Variants in GRID1 observed in about 807,000 individuals in gnomAD.
GRID1 encodes the protein glutamate receptor ionotropic, delta-1.
GRID1 carries 28 observed loss-of-function variants against 98.0 expected under a neutral mutation model. The ratio of observed to expected loss-of-function variants is 0.29; its 90% CI spans 0.21 to 0.39. GRID1 has a LOEUF of 0.39. Ranked by LOEUF, GRID1 falls within the 10% of genes least tolerant of loss-of-function variation. The probability of loss-of-function intolerance (pLI) is 1.00; values close to 1 mark genes in which losing one functional copy is unlikely to be tolerated. For missense variants in GRID1, 1,111 were observed against 1,340.5 expected, an observed-to-expected ratio of 0.83 and a Z score of 2.67; for synonymous variants, 553 against 538.5, an observed-to-expected ratio of 1.03 and a Z score of -0.37.
intron 5 of GRID1, among the ~76,000 whole-genome samples, chr10:85,873,348 TA>T (rs1213864016): frequency 6.6e-6 from 1 of 152,202 alleles, no homozygotes; most frequent in African/African-American, 2.4e-5. Context: ...ATAATGTATA[TA>T]CAACACTATT....
intron 2 of GRID1, among the ~76,000 whole-genome samples, chr10:86,309,880 C>T (rs886151998): frequency 6.6e-6 from 1 of 152,210 alleles, no homozygotes; most frequent in African/African-American, 2.4e-5. Context: ...ATGCCAGTGC[C>T]TCAATGATTT....
chr10:85,790,460 G>C (rs1809756711), intron 8 of GRID1, among the ~76,000 whole-genome samples: 1 of 152,254 alleles, frequency 6.6e-6, no homozygotes, highest in Non-Finnish European at 1.5e-5. Flanking sequence ...GAGACTGCAG[G>C]ACAGGCAGAT....
chr10:86,322,394 TTTG>T (rs879420646), intron 2 of GRID1, among the ~76,000 whole-genome samples: 138 of 152,048 alleles, frequency 9.1e-4, no homozygotes, highest in East Asian at 4.6e-3. Context: ...AGAATTATGT[TTTG>T]TTGTTGTTGT....
intron 3 of GRID1, among the ~76,000 whole-genome samples, chr10:86,151,882 G>C (rs1226606041): frequency 6.6e-6 from 1 of 152,186 alleles, no homozygotes; most frequent in African/African-American, 2.4e-5. Context: ...TCAGTGACAG[G>C]CTGATGGGAC....
chr10:86,204,341 G>T (rs1255797354), intron 3 of GRID1, among the ~76,000 whole-genome samples: 1 of 152,178 alleles, frequency 6.6e-6, no homozygotes, highest in African/African-American at 2.4e-5. Flanking sequence ...GTGGTGGGAA[G>T]CACACAGCCA....
At chr10:85,704,025 A>G (rs1040582552) in intron 12 of GRID1, among the ~76,000 whole-genome samples, 1 of 152,132 alleles carries the variant, frequency 6.6e-6, no homozygotes, top group African/African-American at 2.4e-5. Flanking sequence ...CTGGGTTGAA[A>G]ATTATTTTCT....
At chr10:86,148,571 A>G (rs1452923983) in intron 3 of GRID1, among the ~76,000 whole-genome samples, 1 of 152,214 alleles carries the variant, frequency 6.6e-6, no homozygotes. Flanking sequence ...GTTAATAACA[A>G]TATATTGCAT....
intron 6 of GRID1, among the ~76,000 whole-genome samples, chr10:85,856,814 C>T (rs34572270): frequency 0.056 from 8,536 of 152,280 alleles, 320 homozygotes; most frequent in Non-Finnish European, 0.081. Flanking sequence ...CCACCGCTGG[C>T]GGATCCTTGG....
chr10:85,729,673 A>T, intron 8 of GRID1, 59 bp from the exon 9 acceptor site: 1 of 1,041,094 alleles, frequency 9.6e-7, no homozygotes, highest in Non-Finnish European at 1.5e-6. Flanking sequence ...ACACCATAGG[A>T]CCTCGGCTCC....
chr10:86,183,515 ATACCCCGC>A (rs1362092686), intron 3 of GRID1, among the ~76,000 whole-genome samples: 3 of 152,170 alleles, frequency 2.0e-5, no homozygotes, highest in Non-Finnish European at 2.9e-5. Flanking sequence ...ATGCGCCACC[ATACCCCGC>A]TGATTTTGTC....
chr10:85,605,500 T>C (rs1165476818), intron 15 of GRID1: 1 of 152,140 alleles, frequency 6.6e-6, no homozygotes, highest in African/African-American at 2.4e-5. Context: ...GAAGAACTAG[T>C]TAGTAATTAA....
At chr10:85,821,897 T>G (rs987982350) in intron 8 of GRID1, among the ~76,000 whole-genome samples, 3 of 152,072 alleles carry the variant, frequency 2.0e-5, no homozygotes, top group African/African-American at 4.8e-5. Context: ...TCTACAACCA[T>G]CTGATCTTTG....
intron 3 of GRID1, among the ~76,000 whole-genome samples, chr10:86,156,391 C>A (rs1233883701): frequency 6.6e-6 from 1 of 152,160 alleles, no homozygotes; most frequent in Admixed American, 6.5e-5. Flanking sequence ...CAGAGCCCTT[C>A]CCTGATTTTT....
chr10:86,316,978 G>A (rs184892730), intron 2 of GRID1, among the ~76,000 whole-genome samples: 1 of 152,302 alleles, frequency 6.6e-6, no homozygotes, highest in East Asian at 1.9e-4. Context: ...CCAGCTGGTG[G>A]GGGTGTTGGG....
chr10:86,317,331 C>T (rs1847913624), intron 2 of GRID1, among the ~76,000 whole-genome samples: 1 of 152,232 alleles, frequency 6.6e-6, no homozygotes, highest in Admixed American at 6.5e-5. Flanking sequence ...CTGAGCAAGA[C>T]AGACTCCTGC....
rs754421355 is a variant in GRID1, at chr10:85,916,039, C to CT, written c.780+146dup. The CT allele has an allele frequency of 1.4e-5, 9 of 655,738 alleles. No homozygotes were observed. Among genetic ancestry groups the CT allele is most frequent in the Non-Finnish European group, 2.4e-5 (9 of 371,050 alleles). 40.6% of individuals were successfully genotyped at this position (655,738 alleles called of 1,614,324 possible). ...GCACCCTGCTAGGTCAAGTTCAACT[C>CT]TTTGAGTTTTTGCCTGGGCTAGGTG... On this transcript the variant is annotated intron_variant, in intron 5 of 15. Coordinates refer to ENST00000327946, the MANE Select transcript of GRID1 (RefSeq NM_017551.3). The surrounding 1 kb of genome is among the most constrained non-coding windows in gnomAD (Gnocchi z 4.0).
rs1180381571 is a variant in GRID1 at position 86,180,183 on chromosome 10, C to G, written c.520+26181G>C. On this transcript the variant is annotated intron_variant, in intron 3 of 15. Coordinates refer to ENST00000327946, the MANE Select transcript of GRID1 (RefSeq NM_017551.3). Reference sequence around the variant, plus strand: ...CAGCTAGCTTGTGAGCAGAAGGCTCCGGCTGGTGCACCAGAAGGACACTAG... The same window carrying G: ...CAGCTAGCTTGTGAGCAGAAGGCTCGGGCTGGTGCACCAGAAGGACACTAG... Among the ~76,000 whole-genome samples, 3 of 152,226 alleles carry G rather than the reference C, an allele frequency of 2.0e-5. No homozygotes were observed. In the East Asian group the frequency reaches 5.8e-4, roughly 30 times the overall value.
At chr10:86,044,573 T>C (rs1405408010) in intron 4 of GRID1, among the ~76,000 whole-genome samples, 1 of 152,150 alleles carries the variant, frequency 6.6e-6, no homozygotes, top group Non-Finnish European at 1.5e-5. Flanking sequence ...TCCTGAGACC[T>C]CACCTCCCCT....
intron 2 of GRID1, among the ~76,000 whole-genome samples, chr10:86,232,370 C>G (rs1846469662): frequency 6.6e-6 from 1 of 152,178 alleles, no homozygotes; most frequent in Admixed American, 6.5e-5. Flanking sequence ...CCTCAGTTTT[C>G]CAGTCTCTAT....
Sources: gnomAD v4.1 joint callset for allele counts (sites outside exome capture counted in the v4.1 genomes callset) on GRCh38, gnomAD v4.1.1 for gene constraint, Gnocchi (gnomAD v3.1) non-coding constraint, MANE v1.5 for transcripts, NCBI Gene and HGNC (gene_info 2026-07-23, HGNC 2026-07-21) for gene names.